SLC4A5: variants seen among roughly 807,000 people sequenced by gnomAD.
SLC4A5 encodes solute carrier family 4 member 5, also known as electrogenic sodium bicarbonate cotransporter 4.
In SLC4A5, 96 loss-of-function variants were observed where a neutral mutation model predicts 120.4. That is an observed-to-expected ratio of 0.80 (90% CI 0.68 to 0.94). The LOEUF (loss-of-function observed/expected upper bound fraction) is 0.94. SLC4A5 is among the 40% of genes least tolerant of loss of function. The pLI is 0.00. For missense variants in SLC4A5, 1,259 were observed against 1,459.5 expected (o/e 0.86, Z 2.24); for synonymous variants, 550 against 571.1 (o/e 0.96, Z 0.53).
At chr2:74,231,165 C>T in intron 25 of SLC4A5, 71 bp downstream of exon 25, 1 of 1,455,310 alleles carries the variant, frequency 6.9e-7, no homozygotes, top group Non-Finnish European at 9.4e-7. Context: ...TGTGGGGACC[C>T]CCTCCCTGCC....
At chr2:74,290,565 TAC>T (rs2104197455) in intron 7 of SLC4A5, 1 of 980,706 alleles carries the variant, frequency 1.0e-6, no homozygotes, top group African/African-American at 1.8e-5. Context: ...AGAGAAAAGC[TAC>T]ACTGAGTTAA....
At chr2:74,217,906 C>T (rs533599389) in exon 31 of SLC4A5, 36 of 152,324 alleles carry the variant, frequency 2.4e-4, no homozygotes, top group South Asian at 6.2e-4. Flanking sequence ...TGGGTTCAAG[C>T]GATTCTCCTG....
chr2:74,294,154 G>A (rs1672258798), intron 7 of SLC4A5, among the ~76,000 whole-genome samples: 1 of 152,142 alleles, frequency 6.6e-6, no homozygotes, highest in Non-Finnish European at 1.5e-5. Context: ...GGGGTCAGGG[G>A]AGACTCAGTC....
chr2:74,243,501 A>G (rs957602179), intron 19 of SLC4A5, among the ~76,000 whole-genome samples: 1 of 152,218 alleles, frequency 6.6e-6, no homozygotes, highest in African/African-American at 2.4e-5. Context: ...GGCTTCATTT[A>G]TTAGAAATTG....
At chr2:74,240,194 T>C (rs1334696844) in intron 20 of SLC4A5, among the ~76,000 whole-genome samples, 1 of 152,044 alleles carries the variant, frequency 6.6e-6, no homozygotes, top group Non-Finnish European at 1.5e-5. Flanking sequence ...CTTGCCCTTC[T>C]GTCTATGCTG....
At position 74,227,505 on chromosome 2, in the gene SLC4A5, T is replaced by G. The variant is rs376031660; in HGVS notation, c.2916+305A>C. On this transcript the variant is annotated intron_variant, in intron 26 of 30. Transcript: ENST00000394019. ...CCTTAGGGAAGAGAGAGAGGTACAG[T>G]GAAATGCTCACTGGAGTCAGCTTCT... is the stretch of plus-strand genomic sequence containing the variant. The G allele has an allele frequency of 4.3e-6, 7 of 1,610,972 alleles. No individual in the cohort carries two copies. In the African/African-American group the frequency reaches 8.0e-5, roughly 18 times the overall value.
At chr2:74,336,046 C>A (rs1422520653) in intron 3 of SLC4A5, among the ~76,000 whole-genome samples, 1 of 152,112 alleles carries the variant, frequency 6.6e-6, no homozygotes, top group East Asian at 1.9e-4. Context: ...CTCACAGCAA[C>A]CTCAAGAGGT....
At chr2:74,316,886 C>T (rs1419434337) in intron 5 of SLC4A5, among the ~76,000 whole-genome samples, 1 of 152,232 alleles carries the variant, frequency 6.6e-6, no homozygotes, top group Non-Finnish European at 1.5e-5. Context: ...GGTCAGTTTA[C>T]AGAGGCTGTG....
At chr2:74,275,603 G>C (rs960900799) in intron 8 of SLC4A5, among the ~76,000 whole-genome samples, 8 of 148,764 alleles carry the variant, frequency 5.4e-5, no homozygotes, top group Admixed American at 1.3e-4. Context: ...TCCCAGTTGG[G>C]AAGACAATGC....
At chr2:74,292,956 T>G (rs1468865331) in intron 7 of SLC4A5, among the ~76,000 whole-genome samples, 1 of 152,102 alleles carries the variant, frequency 6.6e-6, no homozygotes, top group East Asian at 1.9e-4. Flanking sequence ...GTGTACTCAA[T>G]GCATATTTGC....
chr2:74,239,076 GT>G (rs1162362143), intron 21 of SLC4A5, among the ~76,000 whole-genome samples: 1 of 152,190 alleles, frequency 6.6e-6, no homozygotes, highest in Non-Finnish European at 1.5e-5. Flanking sequence ...AACTTCATTA[GT>G]CATCAGGGAA....
chr2:74,296,616 CAAAAAAAAAA>C (rs1160532512), intron 7 of SLC4A5, among the ~76,000 whole-genome samples: 1 of 47,486 alleles, frequency 2.1e-5, no homozygotes, highest in African/African-American at 7.5e-5. Context: ...ACTAAAAATA[CAAAAAAAAAA>C]AAAAAAAAAA....
chr2:74,308,168 G>T (rs760914770), intron 6 of SLC4A5, among the ~76,000 whole-genome samples: 1 of 152,214 alleles, frequency 6.6e-6, no homozygotes, highest in Non-Finnish European at 1.5e-5. Context: ...TGGTGATAAT[G>T]AATAGTGCAG....
intron 5 of SLC4A5, among the ~76,000 whole-genome samples, chr2:74,318,171 G>A (rs1673012491): frequency 6.6e-6 from 1 of 151,986 alleles, no homozygotes; most frequent in Non-Finnish European, 1.5e-5. Flanking sequence ...GTGACAAAGA[G>A]CTAATATCTA....
intron 7 of SLC4A5, among the ~76,000 whole-genome samples, chr2:74,302,612 G>A (rs1416065795): frequency 5.9e-5 from 9 of 152,304 alleles, no homozygotes; most frequent in Non-Finnish European, 1.3e-4. Flanking sequence ...ATGAGACTGC[G>A]TCTCAAAAAT....
intron 7 of SLC4A5, among the ~76,000 whole-genome samples, chr2:74,295,886 A>G (rs1487320592): frequency 1.3e-5 from 2 of 152,242 alleles, no homozygotes; most frequent in Non-Finnish European, 2.9e-5. Flanking sequence ...ACTTGGAGCC[A>G]GGGCAACGCT....
At chr2:74,287,742 C>T (rs1172001722) in intron 7 of SLC4A5, among the ~76,000 whole-genome samples, 3 of 152,192 alleles carry the variant, frequency 2.0e-5, no homozygotes, top group African/African-American at 7.2e-5. Context: ...CCATCAACAT[C>T]CTTTCTTCCA....
At chr2:74,234,984 G>A in intron 22 of SLC4A5, 117 bp downstream of exon 22, 2 of 787,892 alleles carry the variant, frequency 2.5e-6, no homozygotes, top group Non-Finnish European at 4.1e-6. Context: ...GGCACACAGA[G>A]AACTAAAATG....
intron 4 of SLC4A5, among the ~76,000 whole-genome samples, chr2:74,330,871 A>AG (rs376205030): frequency 0.6 from 4,413 of 7,304 alleles, 1,356 homozygotes; most frequent in East Asian, 0.63. Context: ...GAGGTATAGG[A>AG]GGTGGTGAGG....
Sources: allele counts gnomAD v4.1 joint callset (sites outside exome capture counted in the v4.1 genomes callset), GRCh38; gene constraint gnomAD v4.1.1; transcripts MANE v1.5; gene names NCBI Gene and HGNC (gene_info 2026-07-23, HGNC 2026-07-21).